The following COL14A1 variants were observed in gnomAD, a reference collection of about 807,000 sequenced individuals.
The protein encoded by COL14A1 is collagen alpha-1(XIV) chain.
Under a neutral mutation model 230.3 loss-of-function variants are expected in COL14A1, and 136 were observed. That is an observed-to-expected ratio of 0.59 (90% confidence interval 0.51 to 0.68). COL14A1 has a LOEUF of 0.68. Among genes scored for constraint, COL14A1 ranks in the 30% least tolerant of loss-of-function variants. The probability of loss-of-function intolerance (pLI) is 0.00; values close to 1 mark genes in which losing one functional copy is unlikely to be tolerated. For synonymous variants in COL14A1, 792 were observed against 784.1 expected, an observed-to-expected ratio of 1.01 and a Z score of -0.17; for missense variants, 1,976 against 2,215.8, an observed-to-expected ratio of 0.89 and a Z score of 2.17.
rs553792736 is a variant in COL14A1 at position 120,297,599 on chromosome 8, T to G, written c.4314+11T>G. On this transcript the variant is annotated intron_variant, in intron 35 of 47. Coordinates refer to ENST00000297848, the MANE Select transcript of COL14A1 (RefSeq NM_021110.4). Reference sequence around the variant, plus strand: ...GAACTTCCAGGCCTGGTAAGAATTCTTCCTTCATTTCTATTGATTTTTTAA... The same window carrying G: ...GAACTTCCAGGCCTGGTAAGAATTCGTCCTTCATTTCTATTGATTTTTTAA... The G allele has an allele frequency of 1.5e-6, 2 of 1,353,316 alleles. No individual in the cohort carries two copies. The highest frequency in any genetic ancestry group is 9.6e-7 in the Non-Finnish European group (1 of 1,038,396). The allele number at this position is 1,353,316 out of a possible 1,614,324, so 83.8% of individuals were successfully genotyped here.
chr8:120,266,792 G>T, intron 24 of COL14A1, 35 bp from the exon 25 acceptor site: 1 of 1,570,172 alleles, frequency 6.4e-7, no homozygotes, highest in Non-Finnish European at 8.8e-7. Flanking sequence ...CAGATGAGAT[G>T]GTGAACTGAT....
At chr8:120,307,107 G>A (rs1820878145) in intron 36 of COL14A1, among the ~76,000 whole-genome samples, 1 of 152,190 alleles carries the variant, frequency 6.6e-6, no homozygotes, top group African/African-American at 2.4e-5. Context: ...GCTTGCTCTA[G>A]CTTCCCATGT....
chr8:120,189,681 G>A (rs890973492), intron 5 of COL14A1, among the ~76,000 whole-genome samples: 4 of 130,446 alleles, frequency 3.1e-5, no homozygotes, highest in Non-Finnish European at 6.2e-5. Context: ...TCCCCTTCCT[G>A]TGTCCATGTG....
chr8:120,315,376 A>G (rs1480650871), intron 38 of COL14A1, among the ~76,000 whole-genome samples, 157 bp from the exon 39 acceptor site: 1 of 149,464 alleles, frequency 6.7e-6, no homozygotes, highest in East Asian at 2.0e-4. Flanking sequence ...ATTTAAAAAA[A>G]AAAAAAAAAA....
At chr8:120,332,096 A>G (rs1233551204) in intron 40 of COL14A1, 45 bp from the exon 41 acceptor site, 17 of 1,585,604 alleles carry the variant, frequency 1.1e-5, no homozygotes, top group East Asian at 2.2e-5. Flanking sequence ...TCTGAAAGCC[A>G]TATAAAGCAA....
intron 44 of COL14A1, among the ~76,000 whole-genome samples, chr8:120,343,758 A>C (rs571382568): frequency 2.8e-4 from 43 of 152,378 alleles, no homozygotes; most frequent in African/African-American, 1.0e-3. Flanking sequence ...ACATTATAAA[A>C]GAGAAATTGA....
At chr8:120,298,197 C>T (rs1820587229) in intron 35 of COL14A1, among the ~76,000 whole-genome samples, 1 of 151,818 alleles carries the variant, frequency 6.6e-6, no homozygotes, top group Admixed American at 6.6e-5. Flanking sequence ...ATTAGGGCAT[C>T]ATCCAAAAAA....
chr8:120,370,725 C>T (rs1823557500), intron 47 of COL14A1: 1 of 1,400,312 alleles, frequency 7.1e-7, no homozygotes, highest in Non-Finnish European at 9.5e-7. Context: ...CCTCCTTCCT[C>T]TCCCCACACA....
chr8:120,258,986 C>T (rs143674463), intron 23 of COL14A1, among the ~76,000 whole-genome samples: 3 of 152,242 alleles, frequency 2.0e-5, no homozygotes, highest in African/African-American at 7.2e-5. Flanking sequence ...TCTTTGTAAC[C>T]TGCTTAGATA....
intron 26 of COL14A1, chr8:120,277,429 A>T (rs952770051): frequency 2.6e-5 from 4 of 152,134 alleles, no homozygotes; most frequent in African/African-American, 9.6e-5. Flanking sequence ...AAAGATTTTT[A>T]AAAAACTACT....
At chr8:120,172,465 G>A (rs1005014349) in intron 5 of COL14A1, among the ~76,000 whole-genome samples, 3 of 152,002 alleles carry the variant, frequency 2.0e-5, no homozygotes, top group East Asian at 3.9e-4. Flanking sequence ...TTAAATTCTC[G>A]TTGCTTGTTT....
intron 36 of COL14A1, among the ~76,000 whole-genome samples, chr8:120,303,502 GT>G (rs1820777585): frequency 6.6e-6 from 1 of 152,192 alleles, no homozygotes; most frequent in African/African-American, 2.4e-5. Flanking sequence ...TAATTACGTG[GT>G]TTTTGTCTTT....
chr8:120,198,150 C>T (rs1400661332), intron 7 of COL14A1, among the ~76,000 whole-genome samples: 1 of 152,080 alleles, frequency 6.6e-6, no homozygotes, highest in African/African-American at 2.4e-5. Flanking sequence ...CTTGGTTGGG[C>T]TAGGAGAAAA....
chr8:120,237,584 A>G (rs998070228), intron 19 of COL14A1, among the ~76,000 whole-genome samples: 1 of 152,170 alleles, frequency 6.6e-6, no homozygotes, highest in Non-Finnish European at 1.5e-5. Context: ...GGAGCTTGTT[A>G]CTGCTTACCT....
intron 40 of COL14A1, 95 bp downstream of exon 40, chr8:120,316,092 C>A (rs1001266616): frequency 1.9e-5 from 24 of 1,273,594 alleles, no homozygotes; most frequent in Non-Finnish European, 2.5e-5. Context: ...GGGAGTCAAG[C>A]CAGTTTTTGC....
chr8:120,126,026 G>T (rs1010847690), intron 1 of COL14A1, among the ~76,000 whole-genome samples: 1 of 152,198 alleles, frequency 6.6e-6, no homozygotes, highest in African/African-American at 2.4e-5. Context: ...AAGCCAGGAG[G>T]TTGCGGTTTT....
chr8:120,262,107 G>A (rs543846475), intron 23 of COL14A1, among the ~76,000 whole-genome samples: 44 of 152,162 alleles, frequency 2.9e-4, no homozygotes, highest in Middle Eastern at 3.4e-3. Context: ...AGGCCAAAAG[G>A]AAGTATCTGT....
chr8:120,136,252 C>T (rs1814704487), intron 1 of COL14A1, among the ~76,000 whole-genome samples: 1 of 151,968 alleles, frequency 6.6e-6, no homozygotes, highest in African/African-American at 2.4e-5. Flanking sequence ...TTCATTGATG[C>T]CCTTTATTAG....
At chr8:120,272,439 A>G (rs1819695881) in intron 26 of COL14A1, among the ~76,000 whole-genome samples, 1 of 151,742 alleles carries the variant, frequency 6.6e-6, no homozygotes, top group African/African-American at 2.4e-5. Flanking sequence ...TGTACCTCAC[A>G]TCTCAATATT....
Sources: gnomAD v4.1 joint callset for allele counts (sites outside exome capture counted in the v4.1 genomes callset) on GRCh38, gnomAD v4.1.1 for gene constraint, MANE v1.5 for transcripts, NCBI Gene and HGNC (gene_info 2026-07-23, HGNC 2026-07-21) for gene names.